The following COL25A1 variants were observed in gnomAD, a reference collection of about 807,000 sequenced individuals.
COL25A1 encodes collagen type XXV alpha 1 chain.
A neutral mutation model predicts 128.4 loss-of-function variants in COL25A1; 103 were observed. The observed-to-expected ratio is 0.80, with a 90% CI of 0.68 to 0.94. The LOEUF is 0.94. Among genes scored for constraint, COL25A1 ranks in the 40% least tolerant of loss-of-function variants. COL25A1 has a pLI of 0.00. For synonymous variants in COL25A1, 279 were observed against 277.2 expected (o/e 1.01, Z -0.06); for missense variants, 745 against 840.0 (o/e 0.89, Z 1.40).
At chr4:109,203,656 A>G (rs905402034) in intron 3 of COL25A1, among the ~76,000 whole-genome samples, 2 of 152,174 alleles carry the variant, frequency 1.3e-5, no homozygotes, top group African/African-American at 4.8e-5. Context: ...ATAGTGATGA[A>G]TTTGATAGCT....
intron 5 of COL25A1, among the ~76,000 whole-genome samples, chr4:109,026,100 G>GCACATACA (rs1553917373): frequency 7.3e-6 from 1 of 137,046 alleles, no homozygotes; most frequent in Non-Finnish European, 1.6e-5. Context: ...AAAACACTTT[G>GCACATACA]CACACACACA....
chr4:109,136,330 C>T (rs954428791), intron 3 of COL25A1, among the ~76,000 whole-genome samples: 12 of 151,970 alleles, frequency 7.9e-5, no homozygotes, highest in East Asian at 1.9e-4. Context: ...GCCTGGGAGG[C>T]GGAGGTTGCA....
In COL25A1 at chr4:109,010,346, G is replaced by T. The variant is rs1331914829; in HGVS notation, c.438+12C>A. Reference sequence around the variant, plus strand: ...AAATTGAAAATAATTTGCTAGAAAAGAATTACCTTACCTGAGGACCAGGCT... The same window carrying T: ...AAATTGAAAATAATTTGCTAGAAAATAATTACCTTACCTGAGGACCAGGCT... On this transcript the variant is annotated intron_variant, in intron 6 of 37. Transcript: ENST00000399132. 2 of 1,571,156 alleles carry T rather than the reference G, an allele frequency of 1.3e-6. No individual in the cohort carries two copies. The highest frequency in any genetic ancestry group is 8.6e-7 in the Non-Finnish European group (1 of 1,162,412).
chr4:109,258,657 AC>A (rs2126252848), intron 3 of COL25A1, among the ~76,000 whole-genome samples: 1 of 152,302 alleles, frequency 6.6e-6, no homozygotes, highest in East Asian at 1.9e-4. Flanking sequence ...CATAAATGTT[AC>A]TAACAATAAT....
chr4:108,953,050 A>G (rs1221663283), intron 8 of COL25A1, among the ~76,000 whole-genome samples: 1 of 152,076 alleles, frequency 6.6e-6, no homozygotes, highest in Non-Finnish European at 1.5e-5. Flanking sequence ...GATGCCTATA[A>G]TGGATGGAAA....
chr4:109,065,535 C>T (rs772181894), intron 3 of COL25A1, among the ~76,000 whole-genome samples: 39 of 128,604 alleles, frequency 3.0e-4, no homozygotes, highest in African/African-American at 5.3e-4. Context: ...GTGCAGCACG[C>T]GCGCGCGCGC....
intron 6 of COL25A1, among the ~76,000 whole-genome samples, chr4:108,998,980 A>T (rs7441233): frequency 0.14 from 20,917 of 152,242 alleles, 2,103 homozygotes; most frequent in East Asian, 0.4. Flanking sequence ...TGGATAAAAG[A>T]CTTAAATGTA....
At chr4:108,908,204 T>C (rs1743758447) in intron 13 of COL25A1, among the ~76,000 whole-genome samples, 2 of 152,196 alleles carry the variant, frequency 1.3e-5, no homozygotes, top group Non-Finnish European at 2.9e-5. Flanking sequence ...CAGTCAATTC[T>C]TCACCAGTTT....
chr4:108,996,081 T>C (rs1219852715), intron 6 of COL25A1, among the ~76,000 whole-genome samples: 1 of 152,104 alleles, frequency 6.6e-6, no homozygotes, highest in Non-Finnish European at 1.5e-5. Context: ...AATAACCAGC[T>C]AACATCATAA....
intron 15 of COL25A1, among the ~76,000 whole-genome samples, chr4:108,897,824 T>C (rs1431878627): frequency 6.6e-6 from 1 of 152,178 alleles, no homozygotes; most frequent in African/African-American, 2.4e-5. Context: ...CCTCTGTATT[T>C]TGTTTTATTC....
At chr4:108,826,908 G>T (rs1732457846) in intron 33 of COL25A1, among the ~76,000 whole-genome samples, 1 of 152,156 alleles carries the variant, frequency 6.6e-6, no homozygotes, top group Non-Finnish European at 1.5e-5. Flanking sequence ...CTCTGATCCT[G>T]TCAATCTCGT....
At chr4:109,125,832 T>C (rs1319976371) in intron 3 of COL25A1, among the ~76,000 whole-genome samples, 1 of 152,116 alleles carries the variant, frequency 6.6e-6, no homozygotes, top group Non-Finnish European at 1.5e-5. Flanking sequence ...AGTGACATGA[T>C]TTCAACATCA....
intron 3 of COL25A1, among the ~76,000 whole-genome samples, chr4:109,239,413 TA>T (rs56709584): frequency 2.9e-5 from 4 of 136,846 alleles, no homozygotes; most frequent in African/African-American, 8.0e-5. Context: ...TATATATATA[TA>T]TATATATATT....
In COL25A1 at chr4:109,278,134, C is replaced by CA. The variant is rs529271790; in HGVS notation, c.367+22448dup. On this transcript the variant is annotated intron_variant, in intron 3 of 37. Transcript: ENST00000399132. Reference sequence around the variant, plus strand: ...TGGGCAACAGAGCGAGACTCCATCTCAAAAAAAAAAAAGAAGTGCTATTAC... The same window carrying CA: ...TGGGCAACAGAGCGAGACTCCATCTCAAAAAAAAAAAAAGAAGTGCTATTAC... Among the ~76,000 whole-genome samples, 1,571 of 138,848 alleles carry CA rather than the reference C, an allele frequency of 0.011. 65 individuals carry two copies. The South Asian group carries it at 0.15, about 14-fold the overall frequency. The allele number at this position is 138,848 out of a possible 152,430, so 91.1% of individuals were successfully genotyped here. A position where few individuals can be genotyped will look rare whatever the true frequency, so the allele number is the denominator to read the frequency against.
rs1048097678 is a variant in COL25A1 at position 108,813,080 on chromosome 4, A to C, written c.*847T>G. The C allele has an allele frequency of 3.3e-5, 5 of 152,266 alleles. No individual in the cohort carries two copies. The highest frequency in any genetic ancestry group is 1.2e-4 in the African/African-American group (5 of 41,460). The allele number at this position is 152,266 out of a possible 1,614,324, so 9.4% of individuals were successfully genotyped here. On this transcript the variant is annotated 3_prime_UTR_variant, in exon 38 of 38. Transcript: ENST00000399132. The stretch of plus-strand genomic sequence containing the variant: ...AACCTCTTTCCTACTTGGTCACATG[A>C]GAGGCAGTGCTGGAGGCTGAATCGG...
intron 3 of COL25A1, among the ~76,000 whole-genome samples, chr4:109,112,252 C>G (rs988431556): frequency 6.6e-6 from 1 of 152,056 alleles, no homozygotes; most frequent in African/African-American, 2.4e-5. Flanking sequence ...GATTCCTCCC[C>G]CACTCAACCA....
At chr4:109,009,731 T>A (rs1756400103) in intron 6 of COL25A1, among the ~76,000 whole-genome samples, 1 of 152,222 alleles carries the variant, frequency 6.6e-6, no homozygotes, top group Non-Finnish European at 1.5e-5. Context: ...TTGAATTTGT[T>A]GTTTGTTGAG....
At chr4:109,231,517 G>A (rs1439122620) in intron 3 of COL25A1, among the ~76,000 whole-genome samples, 1 of 152,208 alleles carries the variant, frequency 6.6e-6, no homozygotes, top group Non-Finnish European at 1.5e-5. Context: ...ATCCAGGAAA[G>A]ACAACTGCAG....
chr4:108,951,333 C>G (rs7677520), intron 8 of COL25A1, among the ~76,000 whole-genome samples: 6,625 of 151,786 alleles, frequency 0.044, 370 homozygotes, highest in African/African-American at 0.13. Context: ...AACTGCAGTT[C>G]CAAAATCCAA....
Sources: gnomAD v4.1 joint callset for allele counts (sites outside exome capture counted in the v4.1 genomes callset) on GRCh38, gnomAD v4.1.1 for gene constraint, MANE v1.5 for transcripts, NCBI Gene and HGNC (gene_info 2026-07-23, HGNC 2026-07-21) for gene names.